RSU1: variants seen among roughly 807,000 people sequenced by gnomAD.
RSU1 encodes the protein Ras suppressor protein 1.
Under a neutral mutation model 31.1 loss-of-function variants are expected in RSU1, and 26 were observed. That is an observed-to-expected ratio of 0.84 (90% CI 0.61 to 1.16). The LOEUF is 1.16. RSU1 is among the 50% of genes most tolerant of loss of function. The pLI is 0.00. For synonymous variants in RSU1, 164 were observed against 136.3 expected, an observed-to-expected ratio of 1.20 and a Z score of -1.41; for missense variants, 320 against 339.1, an observed-to-expected ratio of 0.94 and a Z score of 0.44.
At chr10:16,733,729 A>T (rs1836568722) in intron 7 of RSU1, among the ~76,000 whole-genome samples, 1 of 152,222 alleles carries the variant, frequency 6.6e-6, no homozygotes, top group Non-Finnish European at 1.5e-5. Flanking sequence ...TATACTGAAC[A>T]TGCAGAAATT....
chr10:16,649,813 T>C (rs1335161725), intron 8 of RSU1, among the ~76,000 whole-genome samples: 1 of 152,122 alleles, frequency 6.6e-6, no homozygotes, highest in Admixed American at 6.5e-5. Context: ...ATAAGAGACA[T>C]AAGGAGATTT....
chr10:16,727,074 C>T (rs1034806072), intron 7 of RSU1: 2 of 456,512 alleles, frequency 4.4e-6, no homozygotes, highest in African/African-American at 4.0e-5. Flanking sequence ...AATTAATGTG[C>T]ATTCCTCACA....
Position 16,630,241 on chromosome 10 carries a change from A to C in RSU1, c.732-36745T>G, listed in dbSNP as rs144214061. On this transcript the variant is annotated intron_variant, in intron 8 of 8. Coordinates refer to ENST00000345264, the MANE Select transcript of RSU1 (RefSeq NM_012425.4). Reference sequence around the variant, plus strand: ...CTTATTTATTAAAGATTACTCTAGAATGCATGCTTGGAATATTGCCTGTAT... The same window carrying C: ...CTTATTTATTAAAGATTACTCTAGACTGCATGCTTGGAATATTGCCTGTAT... 2.0e-3 allele frequency among the ~76,000 whole-genome samples: 297 copies of C among 152,232 alleles called. 2 individuals are homozygous for C. The highest frequency in any genetic ancestry group is 6.8e-3 in the African/African-American group (282 of 41,540).
chr10:16,766,200 C>T (rs886495871), intron 3 of RSU1, among the ~76,000 whole-genome samples: 2 of 152,188 alleles, frequency 1.3e-5, no homozygotes, highest in Admixed American at 1.3e-4. Flanking sequence ...GCGGCCCCTG[C>T]GCGAGCTCCG....
At chr10:16,816,176 A>G (rs1838526128) in intron 2 of RSU1, among the ~76,000 whole-genome samples, 1 of 152,230 alleles carries the variant, frequency 6.6e-6, no homozygotes, top group Admixed American at 6.5e-5. Flanking sequence ...TTCACATAAA[A>G]ATATAGAATC....
chr10:16,794,713 C>G (rs1047467805), intron 2 of RSU1, among the ~76,000 whole-genome samples: 14 of 152,210 alleles, frequency 9.2e-5, no homozygotes, highest in African/African-American at 3.4e-4. Context: ...AAATCTTGAG[C>G]TTCTTCTTTG....
At chr10:16,816,610 T>G (rs1345960264) in intron 2 of RSU1, among the ~76,000 whole-genome samples, 1 of 152,226 alleles carries the variant, frequency 6.6e-6, no homozygotes, top group Non-Finnish European at 1.5e-5. Context: ...TCTGTGTCAT[T>G]TGTTCATGGA....
chr10:16,729,099 C>A (rs991830543), intron 7 of RSU1, among the ~76,000 whole-genome samples: 18 of 152,330 alleles, frequency 1.2e-4, no homozygotes, highest in Admixed American at 3.9e-4. Flanking sequence ...CTTTCAGCTA[C>A]TCTGCAACTT....
rs887858445 is a variant in RSU1 at position 16,662,186 on chromosome 10, C to A, written c.731+32837G>T. Reference sequence around the variant, plus strand: ...CAAAATTCATTCTGTAACACCCACACAGCTGGTATAACACAATACATTGAT... The same window carrying A: ...CAAAATTCATTCTGTAACACCCACAAAGCTGGTATAACACAATACATTGAT... On this transcript the variant is annotated intron_variant, in intron 8 of 8. Coordinates refer to ENST00000345264, the MANE Select transcript of RSU1 (RefSeq NM_012425.4). Among the ~76,000 whole-genome samples the A allele has an allele frequency of 2.0e-5, 3 of 152,202 alleles. No homozygotes were observed. In the East Asian group the frequency reaches 5.8e-4, roughly 29 times the overall value.
At chr10:16,676,145 G>C (rs944007166) in intron 8 of RSU1, among the ~76,000 whole-genome samples, 1 of 152,140 alleles carries the variant, frequency 6.6e-6, no homozygotes, top group Non-Finnish European at 1.5e-5. Context: ...ACTGAAGCCC[G>C]ACTACAAAAT....
rs371647465 is a variant in RSU1, at chr10:16,776,834, G to A, written c.160+5200C>T. 2.7e-4 allele frequency among the ~76,000 whole-genome samples: 41 copies of A among 149,676 alleles called. No homozygotes were observed. The East Asian group carries it at 5.1e-3, about 19-fold the overall frequency. ...AAAAAAAAAAAAAAAAACTACTGCC[G>A]TATTTAAGCCCATCATTCCTTGGCT... On this transcript the variant is annotated intron_variant, in intron 3 of 8. Transcript: ENST00000345264.
chr10:16,713,712 C>CT, intron 7 of RSU1, among the ~76,000 whole-genome samples: 1 of 152,196 alleles, frequency 6.6e-6, no homozygotes, highest in Admixed American at 6.5e-5. Context: ...TTACTAAAGA[C>CT]TTATTGTATT....
chr10:16,782,804 G>C (rs1201641680), intron 2 of RSU1, among the ~76,000 whole-genome samples: 1 of 152,042 alleles, frequency 6.6e-6, no homozygotes, highest in Non-Finnish European at 1.5e-5. Context: ...AAAAGTAAAA[G>C]AGAGAAATGA....
intron 7 of RSU1, among the ~76,000 whole-genome samples, chr10:16,749,757 T>C (rs1276808127): frequency 6.6e-6 from 1 of 152,244 alleles, no homozygotes; most frequent in East Asian, 1.9e-4. Flanking sequence ...CAAAGTGTTA[T>C]GCTAGCCTTG....
At chr10:16,797,813 C>G (rs184775519) in intron 2 of RSU1, among the ~76,000 whole-genome samples, 1 of 148,708 alleles carries the variant, frequency 6.7e-6, no homozygotes, top group East Asian at 1.9e-4. Flanking sequence ...AAACACAATA[C>G]GTAATACTTT....
intron 8 of RSU1, among the ~76,000 whole-genome samples, chr10:16,673,580 G>A (rs1244457147): frequency 6.6e-6 from 1 of 152,190 alleles, no homozygotes; most frequent in East Asian, 1.9e-4. Flanking sequence ...GTGGAGAAAA[G>A]CCAAATGTTT....
chr10:16,707,430 G>C (rs991949537), intron 7 of RSU1, among the ~76,000 whole-genome samples: 2 of 152,122 alleles, frequency 1.3e-5, no homozygotes, highest in African/African-American at 4.8e-5. Flanking sequence ...ACTGGAGTGA[G>C]GTGGTATTTT....
intron 2 of RSU1, among the ~76,000 whole-genome samples, chr10:16,813,535 A>T (rs550047272): frequency 6.6e-6 from 1 of 152,366 alleles, no homozygotes; most frequent in East Asian, 1.9e-4. Context: ...ACTAACATTT[A>T]ATGTGCATTA....
intron 8 of RSU1, among the ~76,000 whole-genome samples, chr10:16,673,200 TCCGGTAC>T (rs1427759231): frequency 1.3e-5 from 2 of 152,166 alleles, no homozygotes; most frequent in African/African-American, 4.8e-5. Context: ...AGCGTTCATC[TCCGGTAC>T]CTGGTAGGAC....
Sources: allele counts gnomAD v4.1 joint callset (sites outside exome capture counted in the v4.1 genomes callset), GRCh38; gene constraint gnomAD v4.1.1; transcripts MANE v1.5; gene names NCBI Gene and HGNC (gene_info 2026-07-23, HGNC 2026-07-21).